Variants in PXDNL observed in about 807,000 individuals in gnomAD.
PXDNL encodes peroxidasin like.
A neutral mutation model predicts 150.8 loss-of-function variants in PXDNL; 145 were observed. That is an observed-to-expected ratio of 0.96 (90% CI 0.84 to 1.10). The LOEUF is 1.10. Among genes scored for constraint, PXDNL ranks in the 50% least tolerant of loss-of-function variants. PXDNL has a pLI of 0.00. For synonymous variants in PXDNL, 757 were observed against 725.7 expected, an observed-to-expected ratio of 1.04 and a Z score of -0.69; for missense variants, 2,087 against 1,873.9, an observed-to-expected ratio of 1.11 and a Z score of -2.10.
chr8:51,766,246 C>T (rs986710284), intron 1 of PXDNL, among the ~76,000 whole-genome samples: 6 of 152,200 alleles, frequency 3.9e-5, no homozygotes, highest in African/African-American at 1.4e-4. Flanking sequence ...AAATTTTGCT[C>T]TACAGCTCTG....
intron 17 of PXDNL, among the ~76,000 whole-genome samples, chr8:51,405,874 T>C (rs548934781): frequency 6.6e-6 from 1 of 152,198 alleles, no homozygotes; most frequent in Non-Finnish European, 1.5e-5. Context: ...AGAGTTCCAC[T>C]AGTTCAAACA....
At chr8:51,784,988 T>C (rs2037447316) in intron 1 of PXDNL, among the ~76,000 whole-genome samples, 1 of 152,202 alleles carries the variant, frequency 6.6e-6, no homozygotes, top group Admixed American at 6.5e-5. Flanking sequence ...GATCATAAAA[T>C]TGTAAACAAA....
chr8:51,799,358 C>A (rs577037692), intron 1 of PXDNL, among the ~76,000 whole-genome samples: 1 of 152,092 alleles, frequency 6.6e-6, no homozygotes, highest in Non-Finnish European at 1.5e-5. Flanking sequence ...TGTAACAAAC[C>A]TGCAAGTCCT....
intron 4 of PXDNL, among the ~76,000 whole-genome samples, chr8:51,503,368 ATTT>A (rs1811225572): frequency 6.7e-6 from 1 of 149,454 alleles, no homozygotes; most frequent in Non-Finnish European, 1.5e-5. Context: ...TGTCCATATG[ATTT>A]GACAAATTTT....
chr8:51,640,729 T>G (rs1487182636), intron 2 of PXDNL, among the ~76,000 whole-genome samples: 7 of 152,064 alleles, frequency 4.6e-5, no homozygotes, highest in Non-Finnish European at 1.0e-4. Flanking sequence ...GGAAGAACAT[T>G]CCATGCTCAT....
chr8:51,494,434 A>T (rs1007066101), intron 5 of PXDNL, among the ~76,000 whole-genome samples: 1 of 152,270 alleles, frequency 6.6e-6, no homozygotes, highest in Non-Finnish European at 1.5e-5. Context: ...TAACAATATT[A>T]ACCTTAAATG....
intron 2 of PXDNL, among the ~76,000 whole-genome samples, chr8:51,632,688 C>T (rs184068171): frequency 2.4e-4 from 36 of 152,112 alleles, no homozygotes; most frequent in Admixed American, 1.0e-3. Flanking sequence ...ACTTATGGAA[C>T]GTTTAAGATG....
In PXDNL at chr8:51,346,396, C is replaced by T. The variant is rs191634130; in HGVS notation, c.3902-449G>A. Among the ~76,000 whole-genome samples, 12 of 152,266 alleles carry T rather than the reference C, an allele frequency of 7.9e-5. No individual in the cohort carries two copies. In the East Asian group the frequency reaches 2.3e-3, roughly 29 times the overall value. On this transcript the variant is annotated intron_variant, in intron 19 of 22. Transcript: ENST00000356297. ...TAGGGATTTGTTTTTTAAGATACCC[C>T]CTGTTGCACAACTGTACTGTGTCCT...
At chr8:51,716,814 G>A (rs927676872) in intron 1 of PXDNL, among the ~76,000 whole-genome samples, 1 of 152,160 alleles carries the variant, frequency 6.6e-6, no homozygotes, top group Non-Finnish European at 1.5e-5. Context: ...AGCAGAGAAG[G>A]CTCCCTCGGG....
rs1814898885 is a variant in PXDNL at position 51,645,487 on chromosome 8, A to G, written c.236+9202T>C. Among the ~76,000 whole-genome samples the G allele has an allele frequency of 2.0e-5, 3 of 152,192 alleles. No homozygotes were observed. In the South Asian group the frequency reaches 6.2e-4, roughly 32 times the overall value. On this transcript the variant is annotated intron_variant, in intron 2 of 22. Transcript: ENST00000356297. ...CACACGGCTGCTTGAGGAGCTGGTA[A>G]AAAGAGACAGGGAGACCATTTAATT...
chr8:51,801,258 G>C (rs2037616795), intron 1 of PXDNL, among the ~76,000 whole-genome samples: 1 of 151,990 alleles, frequency 6.6e-6, no homozygotes, highest in Non-Finnish European at 1.5e-5. Flanking sequence ...TATTAGGGTG[G>C]GGAAAAGATC....
At chr8:51,414,156 A>C (rs1808729350) in intron 14 of PXDNL, among the ~76,000 whole-genome samples, 2 of 151,988 alleles carry the variant, frequency 1.3e-5, no homozygotes, top group South Asian at 4.1e-4. Context: ...CTCCCAATGA[A>C]GTAACTAATA....
intron 1 of PXDNL, among the ~76,000 whole-genome samples, chr8:51,729,906 T>A (rs1816884940): frequency 6.6e-6 from 1 of 152,172 alleles, no homozygotes; most frequent in Non-Finnish European, 1.5e-5. Context: ...TGTGACACAC[T>A]ATGGCATTCA....
chr8:51,396,958 G>T (rs1408198051), intron 17 of PXDNL, among the ~76,000 whole-genome samples: 1 of 152,108 alleles, frequency 6.6e-6, no homozygotes, highest in Non-Finnish European at 1.5e-5. Flanking sequence ...AAACTTATTT[G>T]CTATACTTTA....
chr8:51,753,144 T>G (rs1012728103), intron 1 of PXDNL, among the ~76,000 whole-genome samples: 1 of 152,250 alleles, frequency 6.6e-6, no homozygotes, highest in Non-Finnish European at 1.5e-5. Flanking sequence ...TTTCTCTTGA[T>G]TGCGTAACAT....
intron 2 of PXDNL, among the ~76,000 whole-genome samples, chr8:51,641,884 C>T (rs1185346779): frequency 1.3e-5 from 2 of 152,100 alleles, no homozygotes; most frequent in Admixed American, 6.6e-5. Context: ...ATAAATCATG[C>T]TGCTATAAAG....
chr8:51,574,599 A>C (rs1813011666), intron 3 of PXDNL, among the ~76,000 whole-genome samples: 1 of 152,058 alleles, frequency 6.6e-6, no homozygotes, highest in Non-Finnish European at 1.5e-5. Flanking sequence ...GGGTAAACTC[A>C]AAGAAATCTA....
At chr8:51,371,431 A>G (rs765930274) in intron 19 of PXDNL, among the ~76,000 whole-genome samples, 4 of 152,196 alleles carry the variant, frequency 2.6e-5, no homozygotes, top group Non-Finnish European at 5.9e-5. Context: ...TCCTGACTCT[A>G]TCAAAATTTC....
chr8:51,618,102 G>A (rs746374538), intron 2 of PXDNL, among the ~76,000 whole-genome samples: 1 of 152,184 alleles, frequency 6.6e-6, no homozygotes, highest in African/African-American at 2.4e-5. Flanking sequence ...TGGCCTTCTG[G>A]GCCCCCAGGC....
Sources: allele counts gnomAD v4.1 joint callset (sites outside exome capture counted in the v4.1 genomes callset), GRCh38; gene constraint gnomAD v4.1.1; transcripts MANE v1.5; gene names NCBI Gene and HGNC (gene_info 2026-07-23, HGNC 2026-07-21).